Variants in UBXN7 observed in about 807,000 individuals in gnomAD.
The protein encoded by UBXN7 is UBX domain protein 7.
Under a neutral mutation model 58.0 loss-of-function variants are expected in UBXN7, and 9 were observed. The observed-to-expected ratio is 0.16, with a 90% CI of 0.09 to 0.27. UBXN7 has a LOEUF of 0.27. Among genes scored for constraint, UBXN7 ranks in the 10% least tolerant of loss-of-function variants. The pLI, the probability that UBXN7 is intolerant of heterozygous loss-of-function variation, is 1.00. For missense variants in UBXN7, 328 were observed against 599.6 expected (o/e 0.55, Z 4.73); for synonymous variants, 208 against 205.0 (o/e 1.01, Z -0.12).
At chr3:196,374,969 A>AGGAG (rs1364938907) in intron 5 of UBXN7, among the ~76,000 whole-genome samples, 7 of 25,552 alleles carry the variant, frequency 2.7e-4, no homozygotes, top group Admixed American at 1.0e-3. Flanking sequence ...AAAAAAAGGA[A>AGGAG]GGAGGGAAGG....
intron 1 of UBXN7, among the ~76,000 whole-genome samples, chr3:196,424,122 C>T (rs1312791009): frequency 6.6e-6 from 1 of 151,932 alleles, no homozygotes; most frequent in East Asian, 1.9e-4. Context: ...AACTCCTGAT[C>T]TCATGTGATC....
At chr3:196,374,186 A>C (rs562884086) in intron 5 of UBXN7, among the ~76,000 whole-genome samples, 1 of 152,206 alleles carries the variant, frequency 6.6e-6, no homozygotes, top group Admixed American at 6.6e-5. Flanking sequence ...GTAAATTTAC[A>C]TAAGTCTGCC....
chr3:196,383,880 A>G (rs1228660553), intron 5 of UBXN7, among the ~76,000 whole-genome samples: 1 of 152,238 alleles, frequency 6.6e-6, no homozygotes, highest in Non-Finnish European at 1.5e-5. Flanking sequence ...TAACATCACA[A>G]TTAAAAGAAC....
chr3:196,405,494 A>AAAAG (rs1208890435), intron 2 of UBXN7, among the ~76,000 whole-genome samples: 9 of 151,834 alleles, frequency 5.9e-5, no homozygotes, highest in Non-Finnish European at 1.3e-4. Context: ...AAAAGAAAAA[A>AAAAG]AAAGAAAGAA....
chr3:196,363,652 A>AC (rs1728574103), intron 8 of UBXN7, among the ~76,000 whole-genome samples: 1 of 151,754 alleles, frequency 6.6e-6, no homozygotes, highest in African/African-American at 2.4e-5. Context: ...ACAAAGCAAA[A>AC]CAGGCCAGGC....
At chr3:196,399,860 ATT>A (rs879387069) in intron 3 of UBXN7, 4 of 151,686 alleles carry the variant, frequency 2.6e-5, no homozygotes, top group Non-Finnish European at 5.9e-5. Context: ...CTGACTCATC[ATT>A]GTTTCTGAAC....
At chr3:196,393,311 A>T (rs566989164) in intron 4 of UBXN7, among the ~76,000 whole-genome samples, 2 of 152,344 alleles carry the variant, frequency 1.3e-5, no homozygotes, top group African/African-American at 4.8e-5. Flanking sequence ...TCACAAGCGA[A>T]TTAAGTTTAT....
chr3:196,403,461 TG>T (rs1264528089), intron 2 of UBXN7, among the ~76,000 whole-genome samples: 1 of 152,184 alleles, frequency 6.6e-6, no homozygotes, highest in African/African-American at 2.4e-5. Flanking sequence ...TGCATCCGGC[TG>T]ATAAATGAGT....
Position 196,348,220 on chromosome 3 carries a change from G to C in UBXN7, c.*8465C>G, listed in dbSNP as rs1432066932. The C allele has an allele frequency of 1.3e-5, 2 of 151,928 alleles. No individual in the cohort carries two copies. The highest frequency in any genetic ancestry group is 2.9e-5 in the Non-Finnish European group (2 of 67,994). 9.4% of individuals were successfully genotyped at this position (151,928 alleles called of 1,614,324 possible). On this transcript the variant is annotated 3_prime_UTR_variant, in exon 11 of 11. Coordinates refer to ENST00000296328, the MANE Select transcript of UBXN7 (RefSeq NM_015562.2). ...ATTATGACTTACTAGATATACAGGAGGGTCTCTAATGTGTCTTGAACAAAA... is the reference window on the plus strand; with the variant it reads ...ATTATGACTTACTAGATATACAGGACGGTCTCTAATGTGTCTTGAACAAAA...
At chr3:196,367,350 T>C (rs1259903088) in intron 8 of UBXN7, among the ~76,000 whole-genome samples, 3 of 152,300 alleles carry the variant, frequency 2.0e-5, no homozygotes, top group African/African-American at 2.4e-5. Flanking sequence ...TACCTAGTAA[T>C]AGTATATTCT....
chr3:196,363,808 A>C (rs1728579777), intron 8 of UBXN7, among the ~76,000 whole-genome samples: 1 of 152,046 alleles, frequency 6.6e-6, no homozygotes, highest in African/African-American at 2.4e-5. Flanking sequence ...GCGCGCCTGT[A>C]GTCGCAGCTA....
chr3:196,421,573 C>G (rs1479536967), intron 1 of UBXN7, among the ~76,000 whole-genome samples: 1 of 151,286 alleles, frequency 6.6e-6, no homozygotes, highest in Non-Finnish European at 1.5e-5. Flanking sequence ...AGATTGAGAC[C>G]ATCCTGGCCA....
At chr3:196,416,631 T>A (rs1311146235) in intron 1 of UBXN7, among the ~76,000 whole-genome samples, 2 of 152,176 alleles carry the variant, frequency 1.3e-5, no homozygotes, top group Non-Finnish European at 1.5e-5. Flanking sequence ...GTCAACATTT[T>A]AGTCTGCCTA....
rs1272803894 is a variant in UBXN7, at chr3:196,354,443, T to C, written c.*2242A>G. 6.6e-6 allele frequency: 1 copy of C among 152,096 alleles called. No homozygotes were observed. Among genetic ancestry groups the C allele is most frequent in the African/African-American group, 2.4e-5 (1 of 41,396 alleles). 9.4% of individuals were successfully genotyped at this position (152,096 alleles called of 1,614,324 possible). On this transcript the variant is annotated 3_prime_UTR_variant, in exon 11 of 11. Transcript: ENST00000296328. The stretch of plus-strand genomic sequence containing the variant: ...AGGAAACAGAGCCCTATAGGAAAAA[T>C]GATTGACTTCACACGTTTGAGCGAT...
chr3:196,370,180 A>G (rs1046730757), intron 6 of UBXN7, among the ~76,000 whole-genome samples: 1 of 150,828 alleles, frequency 6.6e-6, no homozygotes, highest in African/African-American at 2.4e-5. Flanking sequence ...GCTCGCACCT[A>G]TAACCCTAGC....
chr3:196,395,465 G>A (rs1386924183), intron 3 of UBXN7, among the ~76,000 whole-genome samples: 1 of 151,734 alleles, frequency 6.6e-6, no homozygotes, highest in Non-Finnish European at 1.5e-5. Flanking sequence ...TTTTTTTTGA[G>A]ACAGTGTCTC....
At chr3:196,372,341 TTC>T (rs1260592311) in intron 5 of UBXN7, among the ~76,000 whole-genome samples, 1 of 146,116 alleles carries the variant, frequency 6.8e-6, no homozygotes, top group East Asian at 1.9e-4. Context: ...CTTTCTTTCT[TTC>T]TTTTTTTTTT....
At chr3:196,362,753 A>C in intron 8 of UBXN7, 66 bp from the exon 9 acceptor site, 1 of 1,509,338 alleles carries the variant, frequency 6.6e-7, no homozygotes, top group South Asian at 1.3e-5. Flanking sequence ...GTCAAACGGC[A>C]TAAGAAATAT....
chr3:196,368,085 A>C lies in UBXN7; in HGVS notation c.777T>G (p.Gly259=). 5.0e-6 allele frequency: 8 copies of C among 1,614,130 alleles called. No individual in the cohort carries two copies. The highest frequency in any genetic ancestry group is 6.8e-6 in the Non-Finnish European group (8 of 1,179,994). Residue 259 remains glycine, a synonymous_variant, in exon 8 of 11, where the codon GGT becomes GGG. Transcript: ENST00000296328. ...SFLDQVTGFL[G]EHGQLDGLSS... ...AAAGTCCATCCAGTTGTCCATGTTCACCCAGAAATCCCGTCACTTGGTCCA... is the reference window on the plus strand; with the variant it reads ...AAAGTCCATCCAGTTGTCCATGTTCCCCCAGAAATCCCGTCACTTGGTCCA...
Sources: gnomAD v4.1 joint callset for allele counts (sites outside exome capture counted in the v4.1 genomes callset) on GRCh38, gnomAD v4.1.1 for gene constraint, MANE v1.5 for transcripts, NCBI Gene and HGNC (gene_info 2026-07-23, HGNC 2026-07-21) for gene names.